KIAA1549L: variants seen among roughly 807,000 people sequenced by gnomAD.
KIAA1549L encodes KIAA1549 like, also known as UPF0606 protein KIAA1549L.
A neutral mutation model predicts 160.7 loss-of-function variants in KIAA1549L; 88 were observed. The observed-to-expected ratio is 0.55, with a 90% CI of 0.46 to 0.65. The LOEUF (loss-of-function observed/expected upper bound fraction) is 0.65. Ranked by LOEUF, KIAA1549L falls within the 30% of genes least tolerant of loss-of-function variation. The pLI is 0.00. For synonymous variants in KIAA1549L, 950 were observed against 976.7 expected (o/e 0.97, Z 0.51); for missense variants, 2,258 against 2,437.5 (o/e 0.93, Z 1.55).
At chr11:33,486,702 C>T (rs924514426) in intron 1 of KIAA1549L, among the ~76,000 whole-genome samples, 5 of 152,086 alleles carry the variant, frequency 3.3e-5, no homozygotes, top group African/African-American at 1.2e-4. Context: ...TTGCCTACGT[C>T]TAGCCATTCT....
chr11:33,395,867 G>T (rs577058946), intron 1 of KIAA1549L, among the ~76,000 whole-genome samples: 1 of 152,022 alleles, frequency 6.6e-6, no homozygotes, highest in Non-Finnish European at 1.5e-5. Flanking sequence ...TCTTTTCGCC[G>T]TACTCAGCAC....
At chr11:33,577,134 C>T (rs568989689) in intron 10 of KIAA1549L, among the ~76,000 whole-genome samples, 3 of 152,142 alleles carry the variant, frequency 2.0e-5, no homozygotes, top group East Asian at 1.9e-4. Context: ...GCAGATCTCA[C>T]GGGAGGGAGA....
chr11:33,408,489 G>GTGTATATATATATATATATATATATATA (rs34208718), intron 1 of KIAA1549L, among the ~76,000 whole-genome samples: 4 of 123,076 alleles, frequency 3.3e-5, no homozygotes, highest in Admixed American at 7.8e-5. Flanking sequence ...CTGTATATGT[G>GTGTATATATATATATATATATATATATA]TATATATATA....
At position 33,645,985 on chromosome 11, in the gene KIAA1549L, G is replaced by T; in HGVS notation, c.5709G>T (p.Gln1903His). 2 of 1,609,374 alleles carry T rather than the reference G, an allele frequency of 1.2e-6. No individual in the cohort carries two copies. The highest frequency in any genetic ancestry group is 1.7e-6 in the Non-Finnish European group (2 of 1,177,918). ...GTMTRPRAGV[Q>H]WVPTYRPEMY... ...TGACGCGGCCCAGGGCCGGGGTGCA[G>T]TGGGTGCCGACCTACCGCCCAGAAA... Residue 1903 changes from glutamine to histidine, a missense_variant, in exon 17 of 21, where the codon CAG (glutamine) becomes CAT (histidine). Physicochemically the swap from Gln to His is conservative, Grantham distance 24. Around this residue, in one of 6 missense-constraint regions of KIAA1549L, gnomAD observed 1,359 missense variants for 1,546.6 expected, o/e 0.88. Transcript: ENST00000658780.
At chr11:33,406,015 C>T (rs1850642848) in intron 1 of KIAA1549L, among the ~76,000 whole-genome samples, 1 of 152,102 alleles carries the variant, frequency 6.6e-6, no homozygotes. Context: ...TTCATTATTA[C>T]CCATGTGTAT....
chr11:33,630,538 A>G (rs1450801003), intron 16 of KIAA1549L, among the ~76,000 whole-genome samples: 2 of 152,136 alleles, frequency 1.3e-5, no homozygotes, highest in Non-Finnish European at 2.9e-5. Flanking sequence ...GAGTGACCCG[A>G]TTTTCCAGGT....
At chr11:33,495,732 C>A (rs1852802137) in intron 1 of KIAA1549L, among the ~76,000 whole-genome samples, 5 of 151,332 alleles carry the variant, frequency 3.3e-5, no homozygotes, top group African/African-American at 7.3e-5. Context: ...AACTAGTTTA[C>A]AGTCCCACCA....
chr11:33,586,374 A>G (rs896132657), intron 11 of KIAA1549L, among the ~76,000 whole-genome samples: 2 of 152,164 alleles, frequency 1.3e-5, no homozygotes, highest in African/African-American at 2.4e-5. Context: ...ACAAGGTACC[A>G]TGGACTACCC....
chr11:33,435,565 C>A (rs1290869136), intron 1 of KIAA1549L, among the ~76,000 whole-genome samples: 1 of 151,050 alleles, frequency 6.6e-6, no homozygotes, highest in African/African-American at 2.4e-5. Context: ...CATTTTGCTC[C>A]TACATATTTT....
chr11:33,488,802 G>A (rs79969883), intron 1 of KIAA1549L, among the ~76,000 whole-genome samples: 2,948 of 152,312 alleles, frequency 0.019, 146 homozygotes, highest in East Asian at 0.16. Context: ...TAAGAGCACT[G>A]TGAGTTTTAT....
intron 1 of KIAA1549L, among the ~76,000 whole-genome samples, chr11:33,417,193 G>A (rs564809901): frequency 5.3e-4 from 80 of 151,878 alleles, no homozygotes; most frequent in African/African-American, 1.7e-3. Context: ...ATACAACATC[G>A]GACAATACAG....
intron 20 of KIAA1549L, among the ~76,000 whole-genome samples, chr11:33,667,000 A>C (rs1209051451): frequency 6.6e-6 from 1 of 152,244 alleles, no homozygotes; most frequent in African/African-American, 2.4e-5. Context: ...TCTGGGGTAC[A>C]TAAACAGTTC....
chr11:33,617,789 GTGGATGGATGGATGGA>G (rs200551250), intron 15 of KIAA1549L, among the ~76,000 whole-genome samples: 34 of 149,040 alleles, frequency 2.3e-4, no homozygotes, highest in Middle Eastern at 3.5e-3. Flanking sequence ...GGAAGCCTCG[GTGGATGGATGGATGGA>G]TGGATGGATG....
chr11:33,545,064 C>A lies in KIAA1549L; in HGVS notation c.3071C>A (p.Ala1024Asp). 6.2e-7 allele frequency: 1 copy of A among 1,614,022 alleles called. No homozygotes were observed. The highest frequency in any genetic ancestry group is 8.5e-7 in the Non-Finnish European group (1 of 1,179,870). ...RTGHTTSTHT[A>D]MQGNMDTASG... ...GGACATACCACGAGCACACATACAG[C>A]CATGCAAGGAAACATGGACACTGCC... Residue 1024 changes from alanine to aspartate, a missense_variant, in exon 3 of 21, where the codon GCC becomes GAC. Coordinates refer to ENST00000658780, the MANE Select transcript of KIAA1549L (RefSeq NM_012194.3).
chr11:33,558,286 C>T (rs903495113), intron 6 of KIAA1549L, among the ~76,000 whole-genome samples: 1 of 152,070 alleles, frequency 6.6e-6, no homozygotes, highest in Non-Finnish European at 1.5e-5. Flanking sequence ...CTGGGCAAAC[C>T]GCAGGAGCAG....
chr11:33,649,110 A>G (rs776589081), intron 17 of KIAA1549L, among the ~76,000 whole-genome samples: 16 of 152,180 alleles, frequency 1.1e-4, no homozygotes, highest in Non-Finnish European at 1.5e-4. Context: ...AGAGCTGCCT[A>G]ACTTCAAATC....
intron 1 of KIAA1549L, among the ~76,000 whole-genome samples, chr11:33,480,714 G>A (rs1852393773): frequency 6.6e-6 from 1 of 152,204 alleles, no homozygotes; most frequent in African/African-American, 2.4e-5. Context: ...CCATTTGAAA[G>A]TTAGTGGTTT....
intron 1 of KIAA1549L, among the ~76,000 whole-genome samples, chr11:33,511,893 A>T (rs1035308534): frequency 1.3e-5 from 2 of 152,216 alleles, no homozygotes; most frequent in Non-Finnish European, 2.9e-5. Flanking sequence ...GGACCAGGTG[A>T]TGCATCTGAA....
At position 33,661,130 on chromosome 11, in the gene KIAA1549L, C is replaced by A. The variant is rs187928327; in HGVS notation, c.6159+116C>A. 229 of 1,039,048 alleles carry A rather than the reference C, an allele frequency of 2.2e-4. No individual in the cohort carries two copies. The African/African-American group carries it at 3.1e-3, about 14-fold the overall frequency. 64.4% of individuals were successfully genotyped at this position (1,039,048 alleles called of 1,614,324 possible). ...GTTATCTCAGCCTCCTCACAGTACC[C>A]GGATGACTAAAGTCAGCCATTTTAA... On this transcript the variant is annotated intron_variant, in intron 20 of 20. Coordinates refer to ENST00000658780, the MANE Select transcript of KIAA1549L (RefSeq NM_012194.3).
Sources: gnomAD v4.1 joint callset for allele counts (sites outside exome capture counted in the v4.1 genomes callset) on GRCh38, gnomAD v4.1.1 for gene constraint, gnomAD v4.1.1 regional missense constraint, MANE v1.5 for transcripts, NCBI Gene and HGNC (gene_info 2026-07-23, HGNC 2026-07-21) for gene names.